Variants in HRH1 observed in about 807,000 individuals in gnomAD.
HRH1 encodes the protein histamine H1 receptor.
In HRH1, 6 loss-of-function variants were observed where a neutral mutation model predicts 10.3. That is an observed-to-expected ratio of 0.58 (90% CI 0.32 to 1.15). The LOEUF (loss-of-function observed/expected upper bound fraction) is 1.15. HRH1 is among the 50% of genes most tolerant of loss of function. The probability of loss-of-function intolerance (pLI) is 0.05; values close to 1 mark genes in which losing one functional copy is unlikely to be tolerated. For missense variants in HRH1, 514 were observed against 615.3 expected (o/e 0.84, Z 1.74); for synonymous variants, 242 against 236.7 (o/e 1.02, Z -0.21).
intron 1 of HRH1, among the ~76,000 whole-genome samples, chr3:11,219,764 A>G (rs1042701254): frequency 2.6e-5 from 4 of 151,644 alleles, no homozygotes; most frequent in African/African-American, 9.7e-5. Flanking sequence ...ATGTGTAACA[A>G]TTCAATCAAT....
At chr3:11,178,177 C>T (rs1937281843) in intron 1 of HRH1, among the ~76,000 whole-genome samples, 1 of 152,208 alleles carries the variant, frequency 6.6e-6, no homozygotes, top group South Asian at 2.1e-4. Context: ...CCTCTCTTGT[C>T]CCCTCTGGGG....
intron 1 of HRH1, among the ~76,000 whole-genome samples, chr3:11,254,551 G>T (rs183904274): frequency 5.9e-5 from 9 of 152,314 alleles, no homozygotes; most frequent in Non-Finnish European, 1.3e-4. Context: ...CACAGTATCT[G>T]TCTGCCTTTT....
intron 1 of HRH1, among the ~76,000 whole-genome samples, chr3:11,229,055 C>T (rs989238732): frequency 1.3e-5 from 2 of 152,096 alleles, no homozygotes; most frequent in African/African-American, 4.8e-5. Context: ...TTAAGATGGA[C>T]GTCGTAGAAT....
chr3:11,257,527 T>C (rs1426460310), intron 1 of HRH1, among the ~76,000 whole-genome samples: 1 of 150,238 alleles, frequency 6.7e-6, no homozygotes. Flanking sequence ...GCCATTGCAC[T>C]CCAGTCTGGG....
chr3:11,252,925 G>A (rs1040648493), intron 1 of HRH1, among the ~76,000 whole-genome samples: 2 of 152,022 alleles, frequency 1.3e-5, no homozygotes, highest in East Asian at 1.9e-4. Context: ...CTTCGTCTGC[G>A]GTGGTGAGCA....
chr3:11,248,086 G>A lies in HRH1; in HGVS notation c.-35-10917G>A, dbSNP rs188921979. Among the ~76,000 whole-genome samples, 69 of 152,074 alleles carry A rather than the reference G, an allele frequency of 4.5e-4. 1 individual carries two copies. In the East Asian group the frequency reaches 9.3e-3, roughly 20 times the overall value. Reference sequence around the variant, plus strand: ...GTAAGGCTTTTGTTATTGTTCCATCGGGGGCGGTGTTATTAGGAATAAAAG... The same window carrying A: ...GTAAGGCTTTTGTTATTGTTCCATCAGGGGCGGTGTTATTAGGAATAAAAG... On this transcript the variant is annotated intron_variant, in intron 1 of 1. Transcript: ENST00000431010.
intron 1 of HRH1, among the ~76,000 whole-genome samples, chr3:11,237,824 C>T (rs958586505): frequency 6.6e-6 from 1 of 151,694 alleles, no homozygotes; most frequent in South Asian, 2.1e-4. Flanking sequence ...TACAAGCATG[C>T]GCCACCACGC....
At chr3:11,152,400 C>T (rs544143202), upstream of HRH1, among the ~76,000 whole-genome samples, 1 of 152,264 alleles carries the variant, frequency 6.6e-6, no homozygotes, top group East Asian at 1.9e-4. Flanking sequence ...ACCCTGCTTA[C>T]CAGGGGCTTG....
chr3:11,184,199 G>A lies in HRH1; in HGVS notation c.-36+29645G>A, dbSNP rs1056192082. On this transcript the variant is annotated intron_variant, in intron 1 of 1. Transcript: ENST00000431010. The stretch of plus-strand genomic sequence containing the variant: ...TAACATAATGAGAGCAAATCATTAC[G>A]TAAAACTTACTATATCTGACAGGCA... Among the ~76,000 whole-genome samples the A allele has an allele frequency of 7.2e-5, 11 of 152,218 alleles. 1 individual carries two copies. The East Asian group carries it at 7.7e-4, about 11-fold the overall frequency.
At chr3:11,252,008 A>G (rs1939665998) in intron 1 of HRH1, among the ~76,000 whole-genome samples, 1 of 152,210 alleles carries the variant, frequency 6.6e-6, no homozygotes, top group African/African-American at 2.4e-5. Context: ...CCTTGTTTAC[A>G]TTGACGAAAA....
chr3:11,225,435 A>C (rs1324696114), intron 1 of HRH1, among the ~76,000 whole-genome samples: 2 of 152,210 alleles, frequency 1.3e-5, no homozygotes, highest in South Asian at 4.1e-4. Flanking sequence ...AGATCTCTCA[A>C]ACTCTGATCT....
intron 1 of HRH1, among the ~76,000 whole-genome samples, chr3:11,182,482 A>T (rs756399836): frequency 2.0e-5 from 3 of 152,194 alleles, no homozygotes; most frequent in Non-Finnish European, 4.4e-5. Flanking sequence ...AAGCCTCCAG[A>T]TATCATCCAG....
chr3:11,258,531 G>A (rs369632759), intron 1 of HRH1, among the ~76,000 whole-genome samples: 7 of 152,130 alleles, frequency 4.6e-5, no homozygotes, highest in Non-Finnish European at 1.0e-4. Flanking sequence ...TAAAAACTCC[G>A]CCTCTGCTGT....
At chr3:11,257,753 G>A (rs1052845742) in intron 1 of HRH1, among the ~76,000 whole-genome samples, 13 of 152,144 alleles carry the variant, frequency 8.5e-5, no homozygotes, top group African/African-American at 3.1e-4. Flanking sequence ...GTGCAGTGAT[G>A]TGATCATAGC....
chr3:11,256,593 G>A (rs1269917178), intron 1 of HRH1, among the ~76,000 whole-genome samples: 2 of 152,066 alleles, frequency 1.3e-5, no homozygotes, highest in East Asian at 3.9e-4. Context: ...GAGGTCAGGA[G>A]ATCAAAAGGA....
At chr3:11,150,498 A>G (rs1385381243), upstream of HRH1, among the ~76,000 whole-genome samples, 2 of 152,242 alleles carry the variant, frequency 1.3e-5, no homozygotes, top group Admixed American at 6.5e-5. Context: ...CCCTGCCCGG[A>G]CATCTCCGTC....
intron 1 of HRH1, among the ~76,000 whole-genome samples, chr3:11,171,170 G>C (rs1337751104): frequency 1.4e-5 from 2 of 148,104 alleles, no homozygotes; most frequent in Non-Finnish European, 3.0e-5. Flanking sequence ...AGGCTGCAGT[G>C]CAGTGGCACA....
Position 11,259,904 on chromosome 3 carries a change from C to T in HRH1, c.867C>T (p.Phe289=). The part of the protein sequence containing the change: ...TPKEMKSPVV[F]SQEDDREVDK... ...AGGAGATGAAATCCCCAGTTGTCTT[C>T]AGCCAAGAGGATGATAGAGAAGTAG... Residue 289 remains phenylalanine (F), a synonymous_variant, in exon 2 of 2, where the codon TTC becomes TTT. Coordinates refer to ENST00000431010, the MANE Select transcript of HRH1 (RefSeq NM_001098212.2). The surrounding 1 kb of genome is among the most constrained non-coding windows in gnomAD (Gnocchi z 4.6). The T allele has an allele frequency of 1.2e-6, 2 of 1,614,150 alleles. No individual in the cohort carries two copies. Among genetic ancestry groups the T allele is most frequent in the Non-Finnish European group, 8.5e-7 (1 of 1,180,028 alleles).
intron 1 of HRH1, chr3:11,234,493 G>A: frequency 2.0e-6 from 3 of 1,497,494 alleles, no homozygotes; most frequent in Non-Finnish European, 1.9e-6. Context: ...GTTCCCCACA[G>A]GGGCCGCTGG....
Sources: gnomAD v4.1 joint callset for allele counts (sites outside exome capture counted in the v4.1 genomes callset) on GRCh38, gnomAD v4.1.1 for gene constraint, Gnocchi (gnomAD v3.1) non-coding constraint, MANE v1.5 for transcripts, NCBI Gene and HGNC (gene_info 2026-07-23, HGNC 2026-07-21) for gene names.